Variants in DOCK3 observed in about 807,000 individuals in gnomAD.
DOCK3 encodes dedicator of cytokinesis protein 3.
DOCK3 carries 60 observed loss-of-function variants against 265.6 expected under a neutral mutation model. The ratio of observed to expected loss-of-function variants is 0.23; its 90% CI spans 0.18 to 0.28. The LOEUF is 0.28. Among genes scored for constraint, DOCK3 ranks in the 10% least tolerant of loss-of-function variants. DOCK3 has a pLI of 1.00. For synonymous variants in DOCK3, 881 were observed against 938.0 expected (o/e 0.94, Z 1.11); for missense variants, 1,981 against 2,594.3 (o/e 0.76, Z 5.14).
At chr3:50,834,963 A>G (rs770393299) in intron 2 of DOCK3, among the ~76,000 whole-genome samples, 3 of 152,190 alleles carry the variant, frequency 2.0e-5, no homozygotes, top group Non-Finnish European at 2.9e-5. Context: ...CTTATAGACA[A>G]TTCAATTCAG....
chr3:50,968,079 T>C (rs1025942376), intron 5 of DOCK3, among the ~76,000 whole-genome samples: 2 of 152,216 alleles, frequency 1.3e-5, no homozygotes, highest in Non-Finnish European at 2.9e-5. Flanking sequence ...AGAGATGATA[T>C]TTCATTATAG....
chr3:50,748,386 A>T (rs891080484), intron 1 of DOCK3, among the ~76,000 whole-genome samples: 1 of 152,180 alleles, frequency 6.6e-6, no homozygotes, highest in Non-Finnish European at 1.5e-5. Flanking sequence ...CACAGTGAAT[A>T]TAAGTAAACA....
chr3:51,377,812 C>T (rs1368301922), intron 51 of DOCK3, among the ~76,000 whole-genome samples: 1 of 152,202 alleles, frequency 6.6e-6, no homozygotes, highest in Non-Finnish European at 1.5e-5. Flanking sequence ...TCCTTTGAGC[C>T]CTTGTGGGTG....
At chr3:50,785,507 G>T (rs2042135150) in intron 2 of DOCK3, among the ~76,000 whole-genome samples, 1 of 152,144 alleles carries the variant, frequency 6.6e-6, no homozygotes, top group African/African-American at 2.4e-5. Flanking sequence ...ATTTTGCTGA[G>T]GGTTTTAATC....
intron 12 of DOCK3, among the ~76,000 whole-genome samples, chr3:51,200,307 C>CT (rs1421143941): frequency 1.3e-5 from 2 of 151,648 alleles, no homozygotes; most frequent in Non-Finnish European, 2.9e-5. Flanking sequence ...GAATGTATAA[C>CT]TACAATAACC....
chr3:51,342,845 A>G (rs1416639719), intron 38 of DOCK3, among the ~76,000 whole-genome samples: 1 of 152,162 alleles, frequency 6.6e-6, no homozygotes, highest in Non-Finnish European at 1.5e-5. Flanking sequence ...CTTCTCAGGA[A>G]TCTCCTCACT....
In DOCK3 at chr3:51,374,961, C is replaced by G. The variant is rs1576985127; in HGVS notation, c.5412+374C>G. 1.3e-5 allele frequency among the ~76,000 whole-genome samples: 2 copies of G among 152,180 alleles called. No individual in the cohort carries two copies. Among genetic ancestry groups the G allele is most frequent in the East Asian group, 1.9e-4 (1 of 5,194 alleles). ...CATTGGTCTGGAAGATGTTCTTCCT[C>G]CCTATTTGTGGGGCATCCTCACTGG... On this transcript the variant is annotated intron_variant, in intron 50 of 52. Coordinates refer to ENST00000266037, the MANE Select transcript of DOCK3 (RefSeq NM_004947.5). The surrounding 1 kb of genome is among the most constrained non-coding windows in gnomAD (Gnocchi z 4.8).
chr3:50,708,575 G>A (rs1474123671), intron 1 of DOCK3, among the ~76,000 whole-genome samples: 1 of 152,166 alleles, frequency 6.6e-6, no homozygotes, highest in Non-Finnish European at 1.5e-5. Flanking sequence ...CCTCCAGTGG[G>A]TATGTAGGAC....
At chr3:50,899,304 G>GT (rs900962365) in intron 4 of DOCK3, among the ~76,000 whole-genome samples, 3 of 151,342 alleles carry the variant, frequency 2.0e-5, no homozygotes, top group African/African-American at 4.8e-5. Context: ...TGCAACCTCT[G>GT]TTTTTTTCAC....
chr3:51,256,263 C>A (rs1438606527), intron 22 of DOCK3, among the ~76,000 whole-genome samples: 3 of 152,088 alleles, frequency 2.0e-5, no homozygotes, highest in African/African-American at 7.2e-5. Context: ...CATCTTGGAA[C>A]CTCCTCCTTG....
At position 51,330,135 on chromosome 3, in the gene DOCK3, T is replaced by C. The variant is rs757537995; in HGVS notation, c.3403-3T>C. 30 of 1,598,678 alleles carry C rather than the reference T, an allele frequency of 1.9e-5. No individual in the cohort carries two copies. The African/African-American group carries it at 3.2e-4, about 17-fold the overall frequency. On this transcript the variant is annotated splice_region_variant and splice_polypyrimidine_tract_variant and intron_variant, in intron 32 of 52. Transcript: ENST00000266037. Reference sequence around the variant, plus strand: ...GGTTTATGAAGTCTCTGCTTCCTTCTAGGTGGAGGCCGAGTTGATTGACAA... The same window carrying C: ...GGTTTATGAAGTCTCTGCTTCCTTCCAGGTGGAGGCCGAGTTGATTGACAA...
chr3:51,160,959 C>A (rs1255951952), intron 12 of DOCK3, among the ~76,000 whole-genome samples: 1 of 151,854 alleles, frequency 6.6e-6, no homozygotes, highest in Non-Finnish European at 1.5e-5. Context: ...GCCTGTAATC[C>A]CAGCTACTCA....
At chr3:50,733,742 T>C (rs2038376007) in intron 1 of DOCK3, among the ~76,000 whole-genome samples, 1 of 152,216 alleles carries the variant, frequency 6.6e-6, no homozygotes, top group Non-Finnish European at 1.5e-5. Context: ...GATAGGTACT[T>C]ACTGTTAACC....
intron 4 of DOCK3, among the ~76,000 whole-genome samples, chr3:50,915,023 A>G (rs529315159): frequency 1.4e-4 from 21 of 152,188 alleles, no homozygotes; most frequent in Non-Finnish European, 2.6e-4. Flanking sequence ...TGTCTGTGGC[A>G]GAGTTGGATA....
intron 5 of DOCK3, among the ~76,000 whole-genome samples, chr3:51,000,853 A>G (rs2078458893): frequency 2.6e-5 from 4 of 152,154 alleles, no homozygotes; most frequent in Admixed American, 2.0e-4. Context: ...GGGTTTCGCC[A>G]TGTTCGCCAG....
chr3:51,361,838 A>G lies in DOCK3; in HGVS notation c.5007-21A>G, dbSNP rs1351621651. ...CCTGCCATGGGCCTGACTCCTCCCT[A>G]TTTCCCACTCTTGCTCACAGCCCCA... On this transcript the variant is annotated intron_variant, in intron 47 of 52. Coordinates refer to ENST00000266037, the MANE Select transcript of DOCK3 (RefSeq NM_004947.5). The surrounding 1 kb of genome is among the most constrained non-coding windows in gnomAD (Gnocchi z 4.2). 4 of 1,609,368 alleles carry G rather than the reference A, an allele frequency of 2.5e-6. No homozygotes were observed. The highest frequency in any genetic ancestry group is 3.4e-6 in the Non-Finnish European group (4 of 1,177,540).
At chr3:51,303,522 A>G (rs1420887676) in intron 27 of DOCK3, among the ~76,000 whole-genome samples, 1 of 151,550 alleles carries the variant, frequency 6.6e-6, no homozygotes, top group Non-Finnish European at 1.5e-5. Flanking sequence ...GTGTTTTTTC[A>G]CTGATTCTTT....
rs1211093342 is a variant in DOCK3, at chr3:51,236,350, G to T, written c.1923G>T (p.Leu641=). Residue 641 remains leucine, a synonymous_variant, in exon 20 of 53, where the codon CTG becomes CTT. Transcript: ENST00000266037. ...TGCTTTTTATGTTGTTTTAGTTTCT[G>T]CAGGACATCTTAGATACACTCTTTG... ...HVSGEEIVKF[L]QDILDTLFVI... 1 of 1,613,304 alleles carries T rather than the reference G, an allele frequency of 6.2e-7. No individual in the cohort carries two copies. The highest frequency in any genetic ancestry group is 1.1e-5 in the South Asian group (1 of 91,048).
At position 50,861,169 on chromosome 3, in the gene DOCK3, C is replaced by A. The variant is rs368952753; in HGVS notation, c.162+19454C>A. 2.5e-3 allele frequency among the ~76,000 whole-genome samples: 383 copies of A among 152,052 alleles called. 3 individuals are homozygous for A. Among genetic ancestry groups the A allele is most frequent in the African/African-American group, 8.8e-3 (366 of 41,466 alleles). On this transcript the variant is annotated intron_variant, in intron 3 of 52. Coordinates refer to ENST00000266037, the MANE Select transcript of DOCK3 (RefSeq NM_004947.5). ...AGGATCTCCTGGCTCTATGTTGCTC[C>A]CAGGTGGGTCGTTGTCCTGTCTTGC...
Sources: allele counts gnomAD v4.1 joint callset (sites outside exome capture counted in the v4.1 genomes callset), GRCh38; gene constraint gnomAD v4.1.1; non-coding constraint Gnocchi (gnomAD v3.1); transcripts MANE v1.5; gene names NCBI Gene and HGNC (gene_info 2026-07-23, HGNC 2026-07-21).